CCM2L: variants seen among roughly 807,000 people sequenced by gnomAD.
CCM2L encodes cerebral cavernous malformations 2 protein-like.
In CCM2L, 36 loss-of-function variants were observed where a neutral mutation model predicts 54.1. The observed-to-expected ratio is 0.67, with a 90% CI of 0.51 to 0.88. CCM2L has a LOEUF of 0.88. CCM2L is among the 40% of genes least tolerant of loss of function. CCM2L has a pLI of 0.00. For synonymous variants in CCM2L, 351 were observed against 359.3 expected (o/e 0.98, Z 0.26); for missense variants, 700 against 812.1 (o/e 0.86, Z 1.68).
At chr20:32,014,512 C>A (rs529352066) in intron 1 of CCM2L, among the ~76,000 whole-genome samples, 1 of 152,092 alleles carries the variant, frequency 6.6e-6, no homozygotes, top group African/African-American at 2.4e-5. Flanking sequence ...GTGATCCACC[C>A]GCCTTGGCCT....
intron 1 of CCM2L, among the ~76,000 whole-genome samples, chr20:32,012,313 T>G (rs534796366): frequency 3.9e-5 from 6 of 152,054 alleles, no homozygotes; most frequent in African/African-American, 1.4e-4. Context: ...ATCGCAACAC[T>G]TTGGGAGGCT....
rs546814588 is a variant in CCM2L at position 32,012,295 on chromosome 20, C to T, written c.30+1811C>T. 6.6e-5 allele frequency among the ~76,000 whole-genome samples: 10 copies of T among 152,204 alleles called. No homozygotes were observed. The South Asian group carries it at 1.7e-3, about 25-fold the overall frequency. On this transcript the variant is annotated intron_variant, in intron 1 of 9. Transcript: ENST00000452892. ...ATTTCTGGCCAGGCACAGTGACTCA[C>T]GCCTGTAATCGCAACACTTTGGGAG...
At chr20:32,011,539 A>G (rs1002571905) in intron 1 of CCM2L, among the ~76,000 whole-genome samples, 2 of 152,166 alleles carry the variant, frequency 1.3e-5, no homozygotes, top group Non-Finnish European at 2.9e-5. Flanking sequence ...GGTTGCAGTG[A>G]GCCAAGATCG....
At position 32,031,539 on chromosome 20, in the gene CCM2L, C is replaced by T. The variant is rs1259118893; in HGVS notation, c.*225C>T. ...TGAAGTCCGGGGCAGTCACCCGGGG[C>T]TCCTGGGCCGCTCTGCCGGGCTGGG... On this transcript the variant is annotated 3_prime_UTR_variant, in exon 10 of 10. Coordinates refer to ENST00000452892, the MANE Select transcript of CCM2L (RefSeq NM_001365692.1). The T allele has an allele frequency of 1.6e-5, 5 of 309,354 alleles. No individual in the cohort carries two copies. Among genetic ancestry groups the T allele is most frequent in the South Asian group, 5.7e-5 (2 of 35,150 alleles). The allele number at this position is 309,354 out of a possible 1,614,324, so 19.2% of individuals were successfully genotyped here.
In CCM2L at chr20:32,018,999, C is replaced by T. The variant is rs1465985299; in HGVS notation, c.523C>T (p.Arg175Cys). 15 of 1,370,434 alleles carry T rather than the reference C, an allele frequency of 1.1e-5. 1 individual carries two copies. The highest frequency in any genetic ancestry group is 1.0e-4 in the Admixed American group (3 of 28,728). 84.9% of individuals were successfully genotyped at this position (1,370,434 alleles called of 1,614,324 possible). A position where few individuals can be genotyped will look rare whatever the true frequency, so the allele number is the denominator to read the frequency against. The change falls in exon 5 of 10, where the codon CGC becomes TGC. Residue 175 changes from arginine (R) to cysteine (C), a missense_variant. Coordinates refer to ENST00000452892, the MANE Select transcript of CCM2L (RefSeq NM_001365692.1). ...GVDASPGGAG[R>C]DPGPPGGAPE... is the part of the protein sequence containing the mutation. ...GGATGCCAGCCCAGGCGGCGCAGGA[C>T]GCGACCCCGGCCCGCCAGGCGGGGC... is the stretch of plus-strand genomic sequence containing the variant.
chr20:32,024,965 T>G (rs2064840207), intron 6 of CCM2L, among the ~76,000 whole-genome samples: 1 of 152,254 alleles, frequency 6.6e-6, no homozygotes, highest in East Asian at 1.9e-4. Context: ...ACAACAGGAC[T>G]AGGAAGAGCG....
intron 2 of CCM2L, among the ~76,000 whole-genome samples, chr20:32,015,610 G>A (rs1210701068): frequency 6.6e-5 from 10 of 152,220 alleles, no homozygotes; most frequent in Non-Finnish European, 1.2e-4. Context: ...GTGTGTGTGT[G>A]TAAGGTTGTG....
chr20:32,030,826 T>A (rs1235222276), intron 9 of CCM2L, among the ~76,000 whole-genome samples, 175 bp from the exon 10 acceptor site: 1 of 151,614 alleles, frequency 6.6e-6, no homozygotes, highest in Non-Finnish European at 1.5e-5. Context: ...GCATTCACTG[T>A]GTGCTGAGCG....
Position 32,019,005 on chromosome 20 carries a change from C to A in CCM2L, c.529C>A (p.Pro177Thr), listed in dbSNP as rs892999090. 1.5e-6 allele frequency: 2 copies of A among 1,345,292 alleles called. No homozygotes were observed. The highest frequency in any genetic ancestry group is 3.9e-5 in the Admixed American group (1 of 25,318). 83.3% of individuals were successfully genotyped at this position (1,345,292 alleles called of 1,614,324 possible). ...CAGCCCAGGCGGCGCAGGACGCGAC[C>A]CCGGCCCGCCAGGCGGGGCGCCCGA... Reference protein sequence around the residue: ...DASPGGAGRDPGPPGGAPEKR... With the variant: ...DASPGGAGRDTGPPGGAPEKR... The change falls in exon 5 of 10, where the codon CCC (proline) becomes ACC (threonine). Residue 177 changes from proline (P) to threonine (T), a missense_variant. By Grantham distance (38) the Pro-to-Thr change is conservative (BLOSUM62 -1). Coordinates refer to ENST00000452892, the MANE Select transcript of CCM2L (RefSeq NM_001365692.1).
At chr20:32,029,254 G>T in intron 8 of CCM2L, 130 bp downstream of exon 8, 2 of 1,334,528 alleles carry the variant, frequency 1.5e-6, no homozygotes, top group South Asian at 1.4e-5. Flanking sequence ...AGGAAATGAG[G>T]TTAGGAGAGT....
In CCM2L at chr20:32,018,931, G is replaced by C; in HGVS notation, c.467-12G>C. On this transcript the variant is annotated splice_polypyrimidine_tract_variant and intron_variant, in intron 4 of 9. Coordinates refer to ENST00000452892, the MANE Select transcript of CCM2L (RefSeq NM_001365692.1). ...CGATCCCCGCGGCTGACGGTCCCCC[G>C]GACTCTCCTAGGTCTGGGTGTGGAC... 1 of 1,328,978 alleles carries C rather than the reference G, an allele frequency of 7.5e-7. No homozygotes were observed. The highest frequency in any genetic ancestry group is 9.6e-7 in the Non-Finnish European group (1 of 1,041,620). 82.3% of individuals were successfully genotyped at this position (1,328,978 alleles called of 1,614,324 possible). A position where few individuals can be genotyped will look rare whatever the true frequency, so the allele number is the denominator to read the frequency against.
rs78827511 is a variant in CCM2L, at chr20:32,031,256, A to AC, written c.1658_1659insC (p.Glu553AspfsTer3). 4 of 1,297,788 alleles carry AC rather than the reference A, an allele frequency of 3.1e-6. No homozygotes were observed. In the Admixed American group the frequency reaches 9.2e-5, roughly 30 times the overall value. 80.4% of individuals were successfully genotyped at this position (1,297,788 alleles called of 1,614,324 possible). A position where few individuals can be genotyped will look rare whatever the true frequency, so the allele number is the denominator to read the frequency against. Reference sequence around the variant, plus strand: ...GCCCCCGATGACGACGACGACGACGAGGATGAGCCCCGGGGCTCCAGGGGC... The same window carrying AC: ...GCCCCCGATGACGACGACGACGACGACGGATGAGCCCCGGGGCTCCAGGGGC... On this transcript the variant is annotated frameshift_variant, in exon 10 of 10. Transcript: ENST00000452892. LOFTEE classifies it low-confidence loss of function (END_TRUNC).
At chr20:32,014,261 A>ATATT (rs1364242332) in intron 1 of CCM2L, among the ~76,000 whole-genome samples, 137 of 132,218 alleles carry the variant, frequency 1.0e-3, no homozygotes, top group South Asian at 2.3e-3. Context: ...ATATATATAT[A>ATATT]TTTTTTTTTT....
At chr20:32,020,413 A>G (rs1395800748) in intron 5 of CCM2L, among the ~76,000 whole-genome samples, 2 of 152,186 alleles carry the variant, frequency 1.3e-5, no homozygotes, top group East Asian at 3.9e-4. Flanking sequence ...GGAGTGCCCC[A>G]GACTTTGTCC....
chr20:32,027,637 A>G (rs981865287), intron 7 of CCM2L: 1 of 152,220 alleles, frequency 6.6e-6, no homozygotes, highest in African/African-American at 2.4e-5. Flanking sequence ...ATGGGATTTG[A>G]ACAGAAGAAG....
intron 6 of CCM2L, among the ~76,000 whole-genome samples, chr20:32,024,330 G>A (rs1205399424): frequency 6.6e-6 from 1 of 152,160 alleles, no homozygotes; most frequent in Non-Finnish European, 1.5e-5. Context: ...ACTCTCACAA[G>A]GATGATAGGC....
chr20:32,025,765 C>G, intron 6 of CCM2L, 91 bp from the exon 7 acceptor site: 1 of 931,142 alleles, frequency 1.1e-6, no homozygotes. Flanking sequence ...GACTAGACTT[C>G]AGGCTGAGAC....
At chr20:32,020,250 T>A (rs1388490222) in intron 5 of CCM2L, among the ~76,000 whole-genome samples, 2 of 152,166 alleles carry the variant, frequency 1.3e-5, no homozygotes, top group African/African-American at 4.8e-5. Context: ...CAGACATAGT[T>A]CCTGTCTAGA....
intron 6 of CCM2L, among the ~76,000 whole-genome samples, chr20:32,023,812 A>C (rs529373154): frequency 1.3e-5 from 2 of 152,188 alleles, no homozygotes; most frequent in East Asian, 3.9e-4. Flanking sequence ...GCTCATTGCA[A>C]CCTCTGCCTC....
Sources: gnomAD v4.1 joint callset for allele counts (sites outside exome capture counted in the v4.1 genomes callset) on GRCh38, gnomAD v4.1.1 for gene constraint, MANE v1.5 for transcripts, NCBI Gene and HGNC (gene_info 2026-07-23, HGNC 2026-07-21) for gene names.